UXS1: variants seen among roughly 807,000 people sequenced by gnomAD.
UXS1 encodes the protein UDP-glucuronate decarboxylase 1.
Under a neutral mutation model 62.6 loss-of-function variants are expected in UXS1, and 33 were observed. That is an observed-to-expected ratio of 0.53 (90% CI 0.40 to 0.70). UXS1 has a LOEUF of 0.70. UXS1 is among the 30% of genes least tolerant of loss of function. The pLI is 0.00. For missense variants in UXS1, 434 were observed against 556.3 expected (o/e 0.78, Z 2.21); for synonymous variants, 213 against 206.8 (o/e 1.03, Z -0.26).
At chr2:106,152,483 AAGGGAGGGAGAG>A (rs1320011463) in intron 5 of UXS1, among the ~76,000 whole-genome samples, 1,090 of 64,852 alleles carry the variant, frequency 0.017, 16 homozygotes, top group African/African-American at 0.052. Flanking sequence ...GGAAGGAAGG[AAGGGAGGGAGAG>A]AGGGAGGGAG....
At chr2:106,179,173 A>C (rs904277452) in intron 1 of UXS1, among the ~76,000 whole-genome samples, 2 of 152,088 alleles carry the variant, frequency 1.3e-5, no homozygotes, top group African/African-American at 4.8e-5. Flanking sequence ...GGCCAATCCC[A>C]AGGCTCCCTG....
rs1405352089 is a variant in UXS1 at position 106,113,666 on chromosome 2, G to A, written c.760-901C>T. Among the ~76,000 whole-genome samples the A allele has an allele frequency of 2.0e-5, 3 of 152,214 alleles. No homozygotes were observed. In the East Asian group the frequency reaches 5.8e-4, roughly 29 times the overall value. ...CTCTGAATTAGTGGGCTTTTACAGT[G>A]TATACGTATCTAATGTTTGATCCAC... On this transcript the variant is annotated intron_variant, in intron 9 of 14. Transcript: ENST00000283148.
intron 1 of UXS1, among the ~76,000 whole-genome samples, chr2:106,176,174 C>T (rs2105091453): frequency 6.6e-6 from 1 of 152,236 alleles, no homozygotes; most frequent in Middle Eastern, 3.4e-3. Context: ...CTGGCTGCTC[C>T]CCACCTGGCT....
intron 3 of UXS1, among the ~76,000 whole-genome samples, chr2:106,164,244 C>T (rs900304954): frequency 6.6e-6 from 1 of 152,322 alleles, no homozygotes; most frequent in South Asian, 2.1e-4. Context: ...AACCTCCCAT[C>T]CCCTCCCCCA....
chr2:106,152,596 AAAG>A (rs1245060826), intron 5 of UXS1, among the ~76,000 whole-genome samples: 3 of 152,092 alleles, frequency 2.0e-5, no homozygotes, highest in East Asian at 1.9e-4. Flanking sequence ...AAAGAAAAGA[AAAG>A]AAAAAAGAAG....
intron 10 of UXS1, among the ~76,000 whole-genome samples, chr2:106,111,105 C>T (rs913129148): frequency 6.6e-6 from 1 of 152,144 alleles, no homozygotes; most frequent in African/African-American, 2.4e-5. Context: ...CCTCCAGCTG[C>T]GGGGTTGAGA....
chr2:106,120,111 A>C (rs1679399629), intron 9 of UXS1, among the ~76,000 whole-genome samples: 1 of 152,136 alleles, frequency 6.6e-6, no homozygotes, highest in South Asian at 2.1e-4. Flanking sequence ...TCAGGTACCA[A>C]TTTTAGGGCC....
intron 1 of UXS1, among the ~76,000 whole-genome samples, chr2:106,184,052 C>T (rs1808896): frequency 0.98 from 149,068 of 152,184 alleles, 73,068 homozygotes; most frequent in South Asian, 1. Context: ...ATTAGCCGGG[C>T]GTGGTGGCGC....
rs1225833540 is a variant in UXS1, at chr2:106,164,749, C to T, written c.173G>A (p.Ser58Asn). The change falls in exon 3 of 15, where the codon AGC (serine) becomes AAC (asparagine). Residue 58 changes from serine (S) to asparagine (N), a missense_variant. Ser to Asn is a conservative substitution (Grantham distance 46). This residue lies in a region of UXS1 where 134 missense variants were observed against 251.9 expected (regional missense o/e 0.53). Coordinates refer to ENST00000283148, the MANE Select transcript of UXS1 (RefSeq NM_001253875.2). ...IQENGELKIESKIEEMVEPLR... is the reference protein window; with the variant it reads ...IQENGELKIENKIEEMVEPLR... Reference sequence around the variant, plus strand: ...AAAAAGACTAACCTCTTCAATCTTGCTTTCAATTTTTAGTTCACCATTTTC... The same window carrying T: ...AAAAAGACTAACCTCTTCAATCTTGTTTTCAATTTTTAGTTCACCATTTTC... 1.9e-6 allele frequency: 3 copies of T among 1,585,570 alleles called. No homozygotes were observed. Among genetic ancestry groups the T allele is most frequent in the Non-Finnish European group, 2.6e-6 (3 of 1,164,746 alleles).
chr2:106,172,597 G>T (rs1469580035), intron 1 of UXS1, among the ~76,000 whole-genome samples: 1 of 152,116 alleles, frequency 6.6e-6, no homozygotes, highest in Admixed American at 6.5e-5. Context: ...GAGCAGTGTG[G>T]ATCTGATTCT....
intron 13 of UXS1, chr2:106,097,544 G>A (rs1427603882): frequency 4.1e-6 from 1 of 246,718 alleles, no homozygotes; most frequent in African/African-American, 2.2e-5. Flanking sequence ...CAGCAGGGAA[G>A]CTGCACGCCC....
chr2:106,112,344 C>A (rs1573425265), intron 10 of UXS1, among the ~76,000 whole-genome samples: 2 of 152,350 alleles, frequency 1.3e-5, no homozygotes, highest in East Asian at 3.9e-4. Context: ...CTGGCTACAG[C>A]CAGCAGGCCA....
chr2:106,174,021 G>C (rs944727306), intron 1 of UXS1, among the ~76,000 whole-genome samples: 4 of 148,282 alleles, frequency 2.7e-5, no homozygotes, highest in African/African-American at 9.9e-5. Context: ...GAGTCCTGGG[G>C]AGTAGCGTGA....
chr2:106,145,927 C>G (rs964977302), intron 5 of UXS1, among the ~76,000 whole-genome samples: 1 of 152,078 alleles, frequency 6.6e-6, no homozygotes, highest in Non-Finnish European at 1.5e-5. Context: ...AAGCCCTAAA[C>G]GCCTAAGTCC....
chr2:106,104,885 C>T (rs749241189), intron 10 of UXS1, 48 bp from the exon 11 acceptor site: 1 of 1,612,576 alleles, frequency 6.2e-7, no homozygotes, highest in Middle Eastern at 1.6e-4. Context: ...CACACCCGTC[C>T]TGCGTAGGTG....
rs1683046142 is a variant in UXS1 at position 106,163,708 on chromosome 2, C to A, written c.189G>T (p.Met63Ile). The A allele has an allele frequency of 6.9e-7, 1 of 1,440,176 alleles. No homozygotes were observed. Among genetic ancestry groups the A allele is most frequent in the South Asian group, 1.5e-5 (1 of 68,842 alleles). 89.2% of individuals were successfully genotyped at this position (1,440,176 alleles called of 1,614,324 possible). Residue 63 changes from methionine to isoleucine, a missense_variant and splice_region_variant, in exon 4 of 15, where the codon ATG becomes ATT. By Grantham distance (10) the Met-to-Ile change is conservative. Transcript: ENST00000283148. ...TGATTTTCTCTCTTAGTGGTTCAACCATCTAGAACAATAATAACAAAAATC... is the reference window on the plus strand; with the variant it reads ...TGATTTTCTCTCTTAGTGGTTCAACAATCTAGAACAATAATAACAAAAATC... ...ELKIESKIEEMVEPLREKIRD... is the reference protein window; with the variant it reads ...ELKIESKIEEIVEPLREKIRD...
chr2:106,189,877 C>T (rs1471105974), intron 1 of UXS1, among the ~76,000 whole-genome samples: 1 of 152,242 alleles, frequency 6.6e-6, no homozygotes, highest in African/African-American at 2.4e-5. Context: ...CACTTCCCAT[C>T]ACATCCAAAC....
chr2:106,114,816 C>G (rs567308090), intron 9 of UXS1, among the ~76,000 whole-genome samples: 1 of 152,264 alleles, frequency 6.6e-6, no homozygotes, highest in South Asian at 2.1e-4. Flanking sequence ...TCCAAGAACA[C>G]GAGCTCTCAA....
At chr2:106,141,958 C>T (rs746971430) in intron 6 of UXS1, among the ~76,000 whole-genome samples, 22 of 151,760 alleles carry the variant, frequency 1.4e-4, no homozygotes, top group Admixed American at 6.6e-5. Flanking sequence ...GCAACCTCCA[C>T]ATTCTGGGTT....
Sources: allele counts gnomAD v4.1 joint callset (sites outside exome capture counted in the v4.1 genomes callset), GRCh38; gene constraint gnomAD v4.1.1; regional missense constraint gnomAD v4.1.1; transcripts MANE v1.5; gene names NCBI Gene and HGNC (gene_info 2026-07-23, HGNC 2026-07-21).